The following RAP1GAP2 variants were observed in gnomAD, a reference collection of about 807,000 sequenced individuals.
The protein encoded by RAP1GAP2 is rap1 GTPase-activating protein 2.
RAP1GAP2 carries 27 observed loss-of-function variants against 95.0 expected under a neutral mutation model. The ratio of observed to expected loss-of-function variants is 0.28; its 90% CI spans 0.21 to 0.39. The LOEUF is 0.39. RAP1GAP2 is among the 10% of genes least tolerant of loss of function. The pLI is 1.00. For missense variants in RAP1GAP2, 771 were observed against 970.0 expected (o/e 0.79, Z 2.72); for synonymous variants, 373 against 380.9 (o/e 0.98, Z 0.24).
chr17:2,869,621 C>T (rs2072760945), intron 2 of RAP1GAP2, among the ~76,000 whole-genome samples: 1 of 152,150 alleles, frequency 6.6e-6, no homozygotes, highest in Non-Finnish European at 1.5e-5. Context: ...CCTCCCTTCC[C>T]CAACAGCCCA....
At chr17:2,799,715 C>T (rs184571519) in intron 1 of RAP1GAP2, among the ~76,000 whole-genome samples, 87 of 152,312 alleles carry the variant, frequency 5.7e-4, no homozygotes, top group East Asian at 4.8e-3. Context: ...GTGGTGGTCA[C>T]GACCCTTCCA....
chr17:2,927,299 A>G (rs374070106), intron 3 of RAP1GAP2, among the ~76,000 whole-genome samples: 2,258 of 151,608 alleles, frequency 0.015, 21 homozygotes, highest in Non-Finnish European at 0.021. Context: ...GACTACAGGC[A>G]CCCGCCACCG....
upstream of RAP1GAP2, among the ~76,000 whole-genome samples, chr17:2,776,849 G>A (rs1311989044): frequency 2.6e-5 from 4 of 151,626 alleles, no homozygotes; most frequent in Non-Finnish European, 4.4e-5. Context: ...GGAGGAGGAG[G>A]AGGAGGAGGG....
intron 3 of RAP1GAP2, among the ~76,000 whole-genome samples, chr17:2,909,951 G>T (rs1056623715): frequency 6.6e-6 from 1 of 152,160 alleles, no homozygotes; most frequent in African/African-American, 2.4e-5. Flanking sequence ...TTAGCCTGTG[G>T]CTGCAGTTAG....
At chr17:2,757,447 C>T (rs1158090875) in intron 1 of RAP1GAP2, among the ~76,000 whole-genome samples, 1 of 152,148 alleles carries the variant, frequency 6.6e-6, no homozygotes, top group African/African-American at 2.4e-5. Flanking sequence ...TTTGAATTAC[C>T]TCAGGGGAGG....
At position 2,827,980 on chromosome 17, in the gene RAP1GAP2, C is replaced by G. The variant is rs576847424; in HGVS notation, c.80+27430C>G. 6.6e-6 allele frequency among the ~76,000 whole-genome samples: 1 copy of G among 152,276 alleles called. No homozygotes were observed. Among genetic ancestry groups the G allele is most frequent in the East Asian group, 1.9e-4 (1 of 5,174 alleles). On this transcript the variant is annotated intron_variant, in intron 2 of 24. Coordinates refer to ENST00000254695, the MANE Select transcript of RAP1GAP2 (RefSeq NM_015085.5). The surrounding 1 kb of genome is among the most constrained non-coding windows in gnomAD (Gnocchi z 4.1). ...TCCCTGTGGGGGAGCCACAAGAGGC[C>G]GTCCCTGGGCCTGCAAGCATGAGAT...
intron 3 of RAP1GAP2, among the ~76,000 whole-genome samples, chr17:2,944,991 T>C (rs576470671): frequency 6.6e-6 from 1 of 152,268 alleles, no homozygotes; most frequent in South Asian, 2.1e-4. Flanking sequence ...CACGTCATTC[T>C]CCTGCCTCAG....
chr17:2,955,583 T>TTGAGAG (rs2044077619), intron 3 of RAP1GAP2, among the ~76,000 whole-genome samples: 1 of 152,208 alleles, frequency 6.6e-6, no homozygotes, highest in Admixed American at 6.5e-5. Context: ...TTTGACTTTC[T>TTGAGAG]TGAGAGTAAG....
intron 3 of RAP1GAP2, among the ~76,000 whole-genome samples, chr17:2,918,824 A>G (rs75220729): frequency 0.022 from 3,356 of 152,318 alleles, 122 homozygotes; most frequent in African/African-American, 0.076. Context: ...TTCAAGGATA[A>G]TAAGAGTACC....
At position 2,900,987 on chromosome 17, in the gene RAP1GAP2, C is replaced by G. The variant is rs534515379; in HGVS notation, c.81-4297C>G. ...CCTCCGAGGGTGGGGAGGCGAGGAGCCTGCAGGCCTGGGTGCTGTCACAGG... is the reference window on the plus strand; with the variant it reads ...CCTCCGAGGGTGGGGAGGCGAGGAGGCTGCAGGCCTGGGTGCTGTCACAGG... On this transcript the variant is annotated intron_variant, in intron 2 of 24. Coordinates refer to ENST00000254695, the MANE Select transcript of RAP1GAP2 (RefSeq NM_015085.5). 7.9e-5 allele frequency among the ~76,000 whole-genome samples: 12 copies of G among 152,324 alleles called. No homozygotes were observed. In the East Asian group the frequency reaches 2.1e-3, roughly 27 times the overall value.
Position 2,978,923 on chromosome 17 carries a change from G to A in RAP1GAP2, c.597-1364G>A, listed in dbSNP as rs536810540. On this transcript the variant is annotated intron_variant, in intron 8 of 24. Transcript: ENST00000254695. ...GCACTCCAGCCTGGGCAACAAGAGC[G>A]AAACTCTGTCTCAAATAAATAAATA... 2.9e-5 allele frequency among the ~76,000 whole-genome samples: 3 copies of A among 102,120 alleles called. No individual in the cohort carries two copies. In the East Asian group the frequency reaches 9.1e-4, roughly 31 times the overall value. 67.0% of individuals were successfully genotyped at this position (102,120 alleles called of 152,430 possible).
At chr17:2,838,931 T>G (rs145191802) in intron 2 of RAP1GAP2, among the ~76,000 whole-genome samples, 198 of 152,324 alleles carry the variant, frequency 1.3e-3, no homozygotes, top group African/African-American at 4.6e-3. Flanking sequence ...CGACAGTGTT[T>G]AGCAGACTGT....
At chr17:2,868,179 C>T (rs1197404462) in intron 2 of RAP1GAP2, among the ~76,000 whole-genome samples, 1 of 152,108 alleles carries the variant, frequency 6.6e-6, no homozygotes, top group Non-Finnish European at 1.5e-5. Flanking sequence ...ACAGATTGCC[C>T]CTCCTTCCAG....
At chr17:2,830,987 T>TCCCTCCACTTCCCTCCCCTCCCCTC (rs2070817199) in intron 2 of RAP1GAP2, among the ~76,000 whole-genome samples, 1 of 31,912 alleles carries the variant, frequency 3.1e-5, no homozygotes, top group Non-Finnish European at 6.0e-5. Context: ...CCCCTACCCT[T>TCCCTCCACTTCCCTCCCCTCCCCTC]CCCTCCACTT....
chr17:2,873,305 C>CAAA (rs377575894), intron 2 of RAP1GAP2, among the ~76,000 whole-genome samples: 23 of 95,556 alleles, frequency 2.4e-4, no homozygotes, highest in African/African-American at 9.4e-4. Context: ...ACCAAAAATA[C>CAAA]AAAAAAAAAA....
rs1349547432 is a variant in RAP1GAP2 at position 2,871,083 on chromosome 17, G to A, written c.81-34201G>A. 1.3e-5 allele frequency among the ~76,000 whole-genome samples: 2 copies of A among 152,216 alleles called. No homozygotes were observed. The highest frequency in any genetic ancestry group is 4.8e-5 in the African/African-American group (2 of 41,452). On this transcript the variant is annotated intron_variant, in intron 2 of 24. Coordinates refer to ENST00000254695, the MANE Select transcript of RAP1GAP2 (RefSeq NM_015085.5). This position sits in a 1 kb window ranked among gnomAD's most constrained non-coding sequence, Gnocchi z 5.0. ...TGATTCTCCTGCCTCTGCTTCCCAA[G>A]TAGCTGGAATTCCAGGCATGCGCCG...
rs2069242242 is a variant in RAP1GAP2 at position 2,800,538 on chromosome 17, G to A, written c.68G>A (p.Ser23Asn). 3 of 1,613,008 alleles carry A rather than the reference G, an allele frequency of 1.9e-6. No homozygotes were observed. Among genetic ancestry groups the A allele is most frequent in the Non-Finnish European group, 2.5e-6 (3 of 1,179,470 alleles). Residue 23 changes from serine to asparagine, a missense_variant, in exon 2 of 25, where the codon AGT becomes AAT. Ser to Asn is a conservative substitution (Grantham distance 46, BLOSUM62 1). Coordinates refer to ENST00000254695, the MANE Select transcript of RAP1GAP2 (RefSeq NM_015085.5). ...FGWIDKTMLA[S>N]LKVKKQELAN... ...AGGATCGACAAGACCATGCTGGCAA[G>A]TCTGAAGGTCAAGTAAGTAGCAATT... is the stretch of plus-strand genomic sequence containing the variant.
chr17:2,994,879 T>C (rs1051829398), intron 12 of RAP1GAP2, among the ~76,000 whole-genome samples: 1 of 152,232 alleles, frequency 6.6e-6, no homozygotes, highest in African/African-American at 2.4e-5. Context: ...AGTGGCGCCA[T>C]CTCGGCTCAC....
At chr17:2,989,766 A>G (rs755605286) in intron 11 of RAP1GAP2, among the ~76,000 whole-genome samples, 2 of 152,092 alleles carry the variant, frequency 1.3e-5, no homozygotes, top group African/African-American at 4.8e-5. Context: ...AATGTTATGT[A>G]ATTTATATCT....
Sources: allele counts gnomAD v4.1 joint callset (sites outside exome capture counted in the v4.1 genomes callset), GRCh38; gene constraint gnomAD v4.1.1; non-coding constraint Gnocchi (gnomAD v3.1); transcripts MANE v1.5; gene names NCBI Gene and HGNC (gene_info 2026-07-23, HGNC 2026-07-21).